The following CNKSR2 variants were observed in gnomAD, a reference collection of about 807,000 sequenced individuals.
CNKSR2 encodes CNK homolog protein 2.
Under a neutral mutation model 84.4 loss-of-function variants are expected in CNKSR2, and 14 were observed. The ratio of observed to expected loss-of-function variants is 0.17; its 90% confidence interval spans 0.11 to 0.26. CNKSR2 has a LOEUF of 0.26. CNKSR2 is among the 10% of genes least tolerant of loss of function. The pLI is 1.00. For missense variants in CNKSR2, 485 were observed against 771.2 expected, an observed-to-expected ratio of 0.63 and a Z score of 4.40; for synonymous variants, 275 against 277.9, an observed-to-expected ratio of 0.99 and a Z score of 0.10.
At chrX:21,491,327 T>C (rs1248841754) in intron 6 of CNKSR2, 1 of 112,084 alleles carries the variant, frequency 8.9e-6, no homozygotes, top group Admixed American at 9.5e-5. Context: ...TTTGGTGCTA[T>C]AGTGTTTCCA....
intron 5 of CNKSR2, among the ~76,000 whole-genome samples, chrX:21,483,179 G>T (rs896282914): frequency 2.7e-5 from 3 of 111,452 alleles, no homozygotes; most frequent in Non-Finnish European, 5.6e-5. Context: ...ATGTCCAACA[G>T]TGATAGACTG....
chrX:21,492,510 T>G (rs2091452459), intron 6 of CNKSR2: 1 of 111,703 alleles, frequency 9.0e-6, no homozygotes, highest in Admixed American at 9.5e-5. Context: ...GAGGCAGGGT[T>G]TAAGTCCAGG....
intron 4 of CNKSR2, among the ~76,000 whole-genome samples, chrX:21,445,242 A>C (rs891790855): frequency 6.3e-5 from 7 of 111,503 alleles, no homozygotes; most frequent in Admixed American, 5.8e-4. Context: ...TTTTAAAACA[A>C]TATGGATTAT....
At chrX:21,439,309 A>G (rs181272738) in intron 3 of CNKSR2, among the ~76,000 whole-genome samples, 37 of 111,624 alleles carry the variant, frequency 3.3e-4, no homozygotes, top group Admixed American at 1.3e-3. Flanking sequence ...AATACATTGA[A>G]CAGAATGAAA....
intron 1 of CNKSR2, chrX:21,423,743 G>C (rs2090528609): frequency 9.0e-6 from 1 of 111,411 alleles, no homozygotes; most frequent in African/African-American, 3.3e-5. Flanking sequence ...ACTTCAGATT[G>C]AATGCCATCT....
chrX:21,461,958 A>G (rs1319458222), intron 4 of CNKSR2, among the ~76,000 whole-genome samples: 1 of 111,970 alleles, frequency 8.9e-6, no homozygotes, highest in Non-Finnish European at 1.9e-5. Flanking sequence ...TATAATTTCA[A>G]GTCAGGTGTT....
At chrX:21,559,539 G>C (rs772582349) in intron 11 of CNKSR2, among the ~76,000 whole-genome samples, 2 of 111,323 alleles carry the variant, frequency 1.8e-5, no homozygotes, top group African/African-American at 6.5e-5. Flanking sequence ...ATGAACAAAG[G>C]GTCGGTCTGA....
chrX:21,425,444 T>A (rs1427239796), intron 1 of CNKSR2: 1 of 111,996 alleles, frequency 8.9e-6, no homozygotes, highest in East Asian at 2.8e-4. Context: ...ACACTGCTTT[T>A]AGGACTGACT....
intron 13 of CNKSR2, among the ~76,000 whole-genome samples, chrX:21,565,720 G>C (rs552130269): frequency 9.0e-6 from 1 of 110,869 alleles, no homozygotes; most frequent in African/African-American, 3.3e-5. Context: ...CAAAATAATC[G>C]CTAACCCCCA....
chrX:21,618,386 A>G (rs1044514432), intron 20 of CNKSR2, among the ~76,000 whole-genome samples: 2 of 111,893 alleles, frequency 1.8e-5, no homozygotes, highest in African/African-American at 6.5e-5. Context: ...ATGTCATTCA[A>G]TAAGGAAAAA....
rs982166002 is a variant in CNKSR2, at chrX:21,524,627, A to T, written c.958-2240A>T. Among the ~76,000 whole-genome samples the T allele has an allele frequency of 4.5e-5, 5 of 110,637 alleles. No individual in the cohort carries two copies. In the East Asian group the frequency reaches 1.4e-3, roughly 32 times the overall value. On this transcript the variant is annotated intron_variant, in intron 9 of 21. Coordinates refer to ENST00000379510, the MANE Select transcript of CNKSR2 (RefSeq NM_014927.5). ...CTCACACTTCAGGTGTATGTATTTT[A>T]AAATATGCTTGTAACCATTGACTAC...
At chrX:21,559,634 G>A (rs1330248906) in intron 11 of CNKSR2, among the ~76,000 whole-genome samples, 1 of 111,387 alleles carries the variant, frequency 9.0e-6, no homozygotes, top group Non-Finnish European at 1.9e-5. Context: ...CTGGACTACA[G>A]TGTGAGTGCT....
intron 5 of CNKSR2, 140 bp downstream of exon 5, chrX:21,470,947 GCATAACAAGTTA>G: frequency 3.6e-6 from 1 of 278,234 alleles, no homozygotes; most frequent in Non-Finnish European, 6.7e-6. Flanking sequence ...AACAATCAAA[GCATAACAAGTTA>G]CGTTAGTTAT....
At chrX:21,429,181 CTT>C (rs1439644707) in intron 2 of CNKSR2, 1 of 112,110 alleles carries the variant, frequency 8.9e-6, no homozygotes, top group African/African-American at 3.2e-5. Flanking sequence ...TTCATTAAGA[CTT>C]AAATGGCTGT....
At chrX:21,563,529 G>A (rs1020310939) in intron 13 of CNKSR2, 77 bp downstream of exon 13, 1 of 766,171 alleles carries the variant, frequency 1.3e-6, no homozygotes, top group African/African-American at 2.1e-5. Flanking sequence ...GTAAAGTCTA[G>A]GTTATTTTTA....
At chrX:21,576,980 A>T (rs896333374) in intron 13 of CNKSR2, among the ~76,000 whole-genome samples, 6 of 111,793 alleles carry the variant, frequency 5.4e-5, no homozygotes, top group Non-Finnish European at 1.9e-5. Flanking sequence ...CGCTGCTTTT[A>T]AAGTGTTGGA....
At chrX:21,581,922 A>G (rs1362853816) in intron 13 of CNKSR2, among the ~76,000 whole-genome samples, 1 of 111,837 alleles carries the variant, frequency 8.9e-6, no homozygotes, top group East Asian at 2.8e-4. Flanking sequence ...AAATGGCATA[A>G]CACAATGAAT....
intron 11 of CNKSR2, among the ~76,000 whole-genome samples, chrX:21,546,746 C>A (rs2092029768): frequency 1.8e-5 from 2 of 111,478 alleles, no homozygotes; most frequent in Non-Finnish European, 3.8e-5. Context: ...AGAAACCCTA[C>A]AAGCCAGAAG....
At chrX:21,464,803 G>C (rs933142059) in intron 4 of CNKSR2, among the ~76,000 whole-genome samples, 2 of 112,261 alleles carry the variant, frequency 1.8e-5, no homozygotes, top group Admixed American at 9.4e-5. Flanking sequence ...TAAACTGACT[G>C]AGTTAAGTTT....
Sources: allele counts gnomAD v4.1 joint callset (sites outside exome capture counted in the v4.1 genomes callset), GRCh38; gene constraint gnomAD v4.1.1; transcripts MANE v1.5; gene names NCBI Gene and HGNC (gene_info 2026-07-23, HGNC 2026-07-21).